The following RAD17 variants were observed in gnomAD, a reference collection of about 807,000 sequenced individuals.
The protein encoded by RAD17 is RAD17 checkpoint clamp loader component.
In RAD17, 31 loss-of-function variants were observed where a neutral mutation model predicts 81.5. That is an observed-to-expected ratio of 0.38 (90% confidence interval 0.29 to 0.51). RAD17 has a LOEUF of 0.51. Among genes scored for constraint, RAD17 ranks in the 20% least tolerant of loss-of-function variants. RAD17 has a pLI of 0.88. For synonymous variants in RAD17, 261 were observed against 266.2 expected, an observed-to-expected ratio of 0.98 and a Z score of 0.19; for missense variants, 681 against 781.2, an observed-to-expected ratio of 0.87 and a Z score of 1.53.
intron 7 of RAD17, among the ~76,000 whole-genome samples, 166 bp downstream of exon 7, chr5:69,382,223 A>G (rs2150801688): frequency 6.6e-6 from 1 of 152,270 alleles, no homozygotes; most frequent in East Asian, 1.9e-4. Flanking sequence ...CTGAGGCAGG[A>G]GGATTGCTTC....
At chr5:69,369,608 G>A (rs1159530130), upstream of RAD17, 3 of 1,582,720 alleles carry the variant, frequency 1.9e-6, no homozygotes, top group Non-Finnish European at 1.7e-6. Context: ...GAAGCCCACC[G>A]CGGCGCCCCT....
intron 18 of RAD17, among the ~76,000 whole-genome samples, chr5:69,410,774 C>G (rs990773651): frequency 1.3e-5 from 2 of 151,918 alleles, no homozygotes; most frequent in African/African-American, 4.8e-5. Context: ...CATGGAATCA[C>G]AAAGGCAGAG....
intron 17 of RAD17, among the ~76,000 whole-genome samples, chr5:69,403,655 C>G (rs189788990): frequency 2.6e-3 from 402 of 152,324 alleles, no homozygotes; most frequent in Admixed American, 4.0e-3. Flanking sequence ...CATGGCGGCT[C>G]ATGCCTATAA....
Position 69,414,209 on chromosome 5 carries a change from G to C in RAD17, c.1930G>C (p.Ala644Pro), listed in dbSNP as rs760586952. The C allele has an allele frequency of 3.7e-6, 6 of 1,614,234 alleles. No individual in the cohort carries two copies. Among genetic ancestry groups the C allele is most frequent in the Non-Finnish European group, 5.1e-6 (6 of 1,180,040 alleles). Residue 644 changes from alanine to proline, a missense_variant, in exon 19 of 19, where the codon GCT (alanine) becomes CCT (proline). Ala to Pro is a conservative substitution (Grantham distance 27). Coordinates refer to ENST00000354868, the MANE Select transcript of RAD17 (RefSeq NM_133338.3). The stretch of plus-strand genomic sequence containing the variant: ...TCAGAATAGTGCCAGTGAACTGCCT[G>C]CTAGCCAGCCCCAGCCCTTTTCAGC... ...LSQNSASELP[A>P]SQPQPFSAQG...
At chr5:69,388,447 GAGAA>G (rs1764349096) in intron 11 of RAD17, among the ~76,000 whole-genome samples, 1 of 152,050 alleles carries the variant, frequency 6.6e-6, no homozygotes, top group African/African-American at 2.4e-5. Flanking sequence ...TGTATGTAGT[GAGAA>G]AGAGTAAAAA....
intron 6 of RAD17, among the ~76,000 whole-genome samples, chr5:69,378,731 G>A (rs551866896): frequency 6.6e-5 from 10 of 152,150 alleles, no homozygotes; most frequent in African/African-American, 2.2e-4. Flanking sequence ...TTAATGATGG[G>A]GATACATTCT....
At position 69,389,046 on chromosome 5, in the gene RAD17, A is replaced by C; in HGVS notation, c.907A>C (p.Ile303Leu). 1.3e-6 allele frequency: 2 copies of C among 1,484,232 alleles called. No homozygotes were observed. Among genetic ancestry groups the C allele is most frequent in the Non-Finnish European group, 1.8e-6 (2 of 1,114,446 alleles). The allele number at this position is 1,484,232 out of a possible 1,614,324, so 91.9% of individuals were successfully genotyped here. ...TTTCTTATTTTAGAATGGAGGAAAA[A>C]TTACTGTCCCTGACAAAACTTCTCT... is the stretch of plus-strand genomic sequence containing the variant. Reference protein sequence around the residue: ...TIEANKNGGKITVPDKTSLEL... With the variant: ...TIEANKNGGKLTVPDKTSLEL... Residue 303 changes from isoleucine (I) to leucine (L), a missense_variant, in exon 12 of 19, where the codon ATT (isoleucine) becomes CTT (leucine). Transcript: ENST00000354868.
Position 69,377,513 on chromosome 5 carries a change from A to G in RAD17, c.351+2802A>G, listed in dbSNP as rs1384117684. On this transcript the variant is annotated intron_variant, in intron 6 of 18. Coordinates refer to ENST00000354868, the MANE Select transcript of RAD17 (RefSeq NM_133338.3). The stretch of plus-strand genomic sequence containing the variant: ...TATATATACGTATATATATGTATAT[A>G]TACGTATATATATGTGTATATATAC... 1.6e-4 allele frequency among the ~76,000 whole-genome samples: 16 copies of G among 100,180 alleles called. 4 individuals are homozygous for G. The highest frequency in any genetic ancestry group is 2.9e-4 in the Non-Finnish European group (15 of 51,550). 65.7% of individuals were successfully genotyped at this position (100,180 alleles called of 152,430 possible).
At chr5:69,380,292 A>G (rs1385216562) in intron 6 of RAD17, among the ~76,000 whole-genome samples, 3 of 152,242 alleles carry the variant, frequency 2.0e-5, no homozygotes, top group Non-Finnish European at 4.4e-5. Flanking sequence ...TGTGTTACAC[A>G]TAATGAGATA....
intron 10 of RAD17, 37 bp from the exon 11 acceptor site, chr5:69,386,355 AAATT>A: frequency 6.3e-7 from 1 of 1,580,360 alleles, no homozygotes; most frequent in Non-Finnish European, 8.6e-7. Context: ...TTATATTTTT[AAATT>A]AATCATTTAA....
intron 12 of RAD17, 52 bp downstream of exon 12, chr5:69,389,197 CTTAA>C: frequency 9.1e-7 from 1 of 1,103,812 alleles, no homozygotes. Context: ...CTGACTTTCT[CTTAA>C]TTCATTCAAT....
rs757581675 is a variant in RAD17 at position 69,414,337 on chromosome 5, G to A, written c.*45G>A. On this transcript the variant is annotated 3_prime_UTR_variant, in exon 19 of 19. Transcript: ENST00000354868. ...ATTGCTACTTCACAGCTTCATTTTT[G>A]TTTCATTCAGTGGTACTTCAGCAGA... 5 of 1,579,356 alleles carry A rather than the reference G, an allele frequency of 3.2e-6. No individual in the cohort carries two copies. Among genetic ancestry groups the A allele is most frequent in the Admixed American group, 1.7e-5 (1 of 58,378 alleles).
At chr5:69,389,217 C>G in intron 12 of RAD17, 72 bp downstream of exon 12, 2 of 947,468 alleles carry the variant, frequency 2.1e-6, no homozygotes, top group Non-Finnish European at 3.1e-6. Context: ...TCAATGAAAT[C>G]AAACATTTTA....
intron 1 of RAD17, chr5:69,370,621 C>T (rs1218850041): frequency 1.3e-5 from 2 of 152,552 alleles, no homozygotes; most frequent in Non-Finnish European, 2.9e-5. Context: ...GGATTACAGG[C>T]ATGAGCCACC....
chr5:69,370,551 A>G (rs1226111716), intron 1 of RAD17, among the ~76,000 whole-genome samples: 2 of 152,116 alleles, frequency 1.3e-5, no homozygotes, highest in African/African-American at 2.4e-5. Context: ...TGTTTTGGCC[A>G]GGCTGGTCTC....
At position 69,372,951 on chromosome 5, in the gene RAD17, C is replaced by T. The variant is rs534486455; in HGVS notation, c.9+734C>T. 1.9e-4 allele frequency among the ~76,000 whole-genome samples: 29 copies of T among 152,246 alleles called. No individual in the cohort carries two copies. The South Asian group carries it at 6.0e-3, about 32-fold the overall frequency. ...GAGTGACAGTTCCCCCTCTGGAAAG[C>T]CTGCCTCAATTATAAAAATATTAGT... On this transcript the variant is annotated intron_variant, in intron 4 of 18. Coordinates refer to ENST00000354868, the MANE Select transcript of RAD17 (RefSeq NM_133338.3).
At chr5:69,369,768 G>A (rs1762802553), upstream of RAD17, 2 of 1,465,066 alleles carry the variant, frequency 1.4e-6, no homozygotes, top group African/African-American at 1.4e-5. Flanking sequence ...TCCTTCGGTG[G>A]TCCCCGCCCT....
intron 11 of RAD17, 50 bp downstream of exon 11, chr5:69,386,515 CT>C: frequency 2.0e-6 from 3 of 1,487,322 alleles, no homozygotes; most frequent in Non-Finnish European, 2.7e-6. Context: ...GAAAGCCTAG[CT>C]TAAATAGTAT....
In RAD17 at chr5:69,414,038, A is replaced by G. The variant is rs1339398780; in HGVS notation, c.1759A>G (p.Met587Val). 6.2e-7 allele frequency: 1 copy of G among 1,613,950 alleles called. No individual in the cohort carries two copies. The highest frequency in any genetic ancestry group is 2.2e-5 in the East Asian group (1 of 44,900). The part of the protein sequence containing the change: ...PLKRHFGRLK[M>V]EALTDREHGM... ...GCACTGTGAATCTGACAGATTGAAAATGGAAGCCCTGACTGACAGGGAACA... is the reference window on the plus strand; with the variant it reads ...GCACTGTGAATCTGACAGATTGAAAGTGGAAGCCCTGACTGACAGGGAACA... The change falls in exon 19 of 19, where the codon ATG becomes GTG. Residue 587 changes from methionine (M) to valine (V), a missense_variant. Coordinates refer to ENST00000354868, the MANE Select transcript of RAD17 (RefSeq NM_133338.3).
Sources: allele counts gnomAD v4.1 joint callset (sites outside exome capture counted in the v4.1 genomes callset), GRCh38; gene constraint gnomAD v4.1.1; transcripts MANE v1.5; gene names NCBI Gene and HGNC (gene_info 2026-07-23, HGNC 2026-07-21).